CCDC192: variants seen among roughly 807,000 people sequenced by gnomAD.
CCDC192 encodes the protein coiled-coil domain-containing protein 192.
rs1219307107 is a variant in CCDC192, at chr5:127,918,216, T to TAAAAAAAAAAAAAAAAA, written c.536-22963_536-22947dup. On this transcript the variant is annotated intron_variant, in intron 6 of 6. Coordinates refer to ENST00000514853, the MANE Select transcript of CCDC192 (RefSeq NM_001317938.2). ...AGGGTTGCCAGACACCTTCAATTTGTAAAAAAAAAAAAAAAAAAAGTAGTA... is the reference window on the plus strand; with the variant it reads ...AGGGTTGCCAGACACCTTCAATTTGTAAAAAAAAAAAAAAAAAAAAAAAAAAAAAAAAAAAAGTAGTA... Among the ~76,000 whole-genome samples, 147 of 100,330 alleles carry TAAAAAAAAAAAAAAAAA rather than the reference T, an allele frequency of 1.5e-3. 7 individuals carry two copies. Among genetic ancestry groups the TAAAAAAAAAAAAAAAAA allele is most frequent in the African/African-American group, 6.4e-3 (142 of 22,102 alleles). The allele number at this position is 100,330 out of a possible 152,430, so 65.8% of individuals were successfully genotyped here.
At chr5:127,789,932 G>A (rs541384270) in intron 3 of CCDC192, among the ~76,000 whole-genome samples, 22 of 152,192 alleles carry the variant, frequency 1.4e-4, no homozygotes, top group African/African-American at 2.2e-4. Flanking sequence ...CAAGATCCTC[G>A]TGTGGTAGAG....
At chr5:127,846,754 G>A (rs1750562341) in intron 5 of CCDC192, among the ~76,000 whole-genome samples, 1 of 141,430 alleles carries the variant, frequency 7.1e-6, no homozygotes, top group Non-Finnish European at 1.5e-5. Flanking sequence ...ACTGGCGTGA[G>A]CCACCGCGCT....
At chr5:127,882,555 G>A (rs1408554976) in intron 6 of CCDC192, among the ~76,000 whole-genome samples, 1 of 152,184 alleles carries the variant, frequency 6.6e-6, no homozygotes, top group Non-Finnish European at 1.5e-5. Context: ...TTTTAATATA[G>A]TAAAGCCATT....
intron 2 of CCDC192, among the ~76,000 whole-genome samples, chr5:127,715,816 T>C (rs550738206): frequency 6.6e-5 from 10 of 152,296 alleles, no homozygotes; most frequent in African/African-American, 2.4e-4. Context: ...AAGTTTCATA[T>C]ACAAAAGATC....
intron 6 of CCDC192, among the ~76,000 whole-genome samples, chr5:127,906,071 A>G (rs1219071967): frequency 6.6e-6 from 1 of 152,186 alleles, no homozygotes; most frequent in Admixed American, 6.5e-5. Context: ...TCAAGTGTAC[A>G]ATTCAGTGCC....
At chr5:127,920,625 G>A (rs1753684536) in intron 6 of CCDC192, among the ~76,000 whole-genome samples, 2 of 151,700 alleles carry the variant, frequency 1.3e-5, no homozygotes, top group Admixed American at 1.3e-4. Flanking sequence ...TGGCCAGGCT[G>A]GTCTCAAACT....
chr5:127,775,922 G>T (rs990927118), intron 3 of CCDC192, among the ~76,000 whole-genome samples: 1 of 152,176 alleles, frequency 6.6e-6, no homozygotes, highest in Non-Finnish European at 1.5e-5. Flanking sequence ...ACGATTGTGA[G>T]GCCTCCCCAG....
At chr5:127,756,506 G>A (rs1561469931) in intron 3 of CCDC192, among the ~76,000 whole-genome samples, 1 of 152,194 alleles carries the variant, frequency 6.6e-6, no homozygotes, top group Non-Finnish European at 1.5e-5. Flanking sequence ...TGGCAGAACT[G>A]GTTGGGGCAG....
chr5:127,885,265 TG>T (rs1407172957), intron 6 of CCDC192, among the ~76,000 whole-genome samples: 1 of 152,210 alleles, frequency 6.6e-6, no homozygotes, highest in African/African-American at 2.4e-5. Flanking sequence ...TCTGATTACC[TG>T]AAGGGCATGT....
At chr5:127,781,138 G>A (rs1260145630) in intron 3 of CCDC192, among the ~76,000 whole-genome samples, 3 of 152,116 alleles carry the variant, frequency 2.0e-5, no homozygotes, top group Non-Finnish European at 4.4e-5. Context: ...TCAGTTGGCT[G>A]TAAGCATTTG....
chr5:127,828,184 G>T (rs1298820235), intron 5 of CCDC192, among the ~76,000 whole-genome samples: 3 of 152,198 alleles, frequency 2.0e-5, no homozygotes, highest in African/African-American at 4.8e-5. Context: ...TGAGATTATA[G>T]GCATGAGCCA....
At chr5:127,751,903 G>A (rs1710276) in intron 2 of CCDC192, among the ~76,000 whole-genome samples, 7,017 of 151,748 alleles carry the variant, frequency 0.046, 531 homozygotes, top group African/African-American at 0.16. Context: ...CCAGTTGATC[G>A]CATCGGCTCC....
At chr5:127,759,606 G>A (rs1024587099) in intron 3 of CCDC192, among the ~76,000 whole-genome samples, 2 of 152,172 alleles carry the variant, frequency 1.3e-5, no homozygotes, top group Admixed American at 1.3e-4. Flanking sequence ...TTTTGTTATA[G>A]CAGCCCAAAT....
At chr5:127,708,976 G>C (rs1020732187) in intron 2 of CCDC192, among the ~76,000 whole-genome samples, 2 of 151,850 alleles carry the variant, frequency 1.3e-5, no homozygotes, top group Non-Finnish European at 2.9e-5. Context: ...AGATTCAATT[G>C]GCTCGCAGTT....
At chr5:127,775,392 A>G (rs1266161009) in intron 3 of CCDC192, among the ~76,000 whole-genome samples, 4 of 152,086 alleles carry the variant, frequency 2.6e-5, no homozygotes, top group Admixed American at 6.5e-5. Context: ...GCCTATCTTG[A>G]CTTATTCATC....
At position 127,941,313 on chromosome 5, in the gene CCDC192, G is replaced by A. The variant is rs746694648; in HGVS notation, c.667G>A (p.Val223Ile). 37 of 398,944 alleles carry A rather than the reference G, an allele frequency of 9.3e-5. No individual in the cohort carries two copies. The highest frequency in any genetic ancestry group is 1.5e-4 in the Non-Finnish European group (33 of 226,088). 24.7% of individuals were successfully genotyped at this position (398,944 alleles called of 1,614,324 possible). The change falls in exon 7 of 7, where the codon GTT (valine) becomes ATT (isoleucine). Residue 223 changes from valine to isoleucine, a missense_variant. Coordinates refer to ENST00000514853, the MANE Select transcript of CCDC192 (RefSeq NM_001317938.2). ...QTERITQLKE[V>I]LEEKERKIQQ... is the part of the protein sequence containing the mutation. ...TGAGAGAATTACTCAGCTGAAAGAA[G>A]TTTTGGAGGAAAAGGAAAGGAAGAT...
chr5:127,920,691 A>G (rs142624322), intron 6 of CCDC192, among the ~76,000 whole-genome samples: 266 of 152,164 alleles, frequency 1.7e-3, no homozygotes, highest in African/African-American at 6.1e-3. Flanking sequence ...GATTACAGGC[A>G]TGAGCCACCG....
At chr5:127,765,012 T>C (rs1466435744) in intron 3 of CCDC192, among the ~76,000 whole-genome samples, 1 of 152,328 alleles carries the variant, frequency 6.6e-6, no homozygotes, top group East Asian at 1.9e-4. Flanking sequence ...GTTACACCAA[T>C]GCAAATCTCT....
At chr5:127,733,622 A>G (rs1386612914) in intron 2 of CCDC192, among the ~76,000 whole-genome samples, 3 of 152,168 alleles carry the variant, frequency 2.0e-5, no homozygotes, top group Admixed American at 2.0e-4. Flanking sequence ...GAGCCAGAGA[A>G]TCAACCTTGG....
Sources: allele counts gnomAD v4.1 joint callset (sites outside exome capture counted in the v4.1 genomes callset), GRCh38; gene constraint gnomAD v4.1.1; transcripts MANE v1.5; gene names NCBI Gene and HGNC (gene_info 2026-07-23, HGNC 2026-07-21).